Variants in CTPS1 observed in about 807,000 individuals in gnomAD.
CTPS1 encodes CTP synthase 1.
Under a neutral mutation model 80.5 loss-of-function variants are expected in CTPS1, and 25 were observed. The ratio of observed to expected loss-of-function variants is 0.31; its 90% CI spans 0.23 to 0.43. CTPS1 has a LOEUF of 0.43. Ranked by LOEUF, CTPS1 falls within the 20% of genes least tolerant of loss-of-function variation. The pLI is 1.00. For synonymous variants in CTPS1, 267 were observed against 252.5 expected, an observed-to-expected ratio of 1.06 and a Z score of -0.54; for missense variants, 442 against 725.7, an observed-to-expected ratio of 0.61 and a Z score of 4.49.
intron 1 of CTPS1, among the ~76,000 whole-genome samples, chr1:40,982,829 A>G (rs1240487254): frequency 6.6e-6 from 1 of 152,222 alleles, no homozygotes; most frequent in Non-Finnish European, 1.5e-5. Context: ...AGCCAAAGAC[A>G]TTATTTATTT....
At chr1:40,994,095 T>C (rs547337860) in intron 7 of CTPS1, among the ~76,000 whole-genome samples, 1 of 152,312 alleles carries the variant, frequency 6.6e-6, no homozygotes, top group East Asian at 1.9e-4. Flanking sequence ...TTCTTAATAG[T>C]GTCTTTTAGA....
intron 5 of CTPS1, among the ~76,000 whole-genome samples, chr1:40,989,958 C>T (rs1395886744): frequency 6.6e-6 from 1 of 152,104 alleles, no homozygotes; most frequent in Non-Finnish European, 1.5e-5. Context: ...AGAGGACTGG[C>T]TCAGAAGTTC....
rs2148383500 is a variant in CTPS1 at position 40,982,077 on chromosome 1, C to A, written c.-13-1201C>A. 8.3e-6 allele frequency: 9 copies of A among 1,082,384 alleles called. 1 individual carries two copies. In the South Asian group the frequency reaches 1.1e-4, roughly 13 times the overall value. 67.0% of individuals were successfully genotyped at this position (1,082,384 alleles called of 1,614,324 possible). A position where few individuals can be genotyped will look rare whatever the true frequency, so the allele number is the denominator to read the frequency against. ...GCTGACCAAATGGACGATCCTGGAC[C>A]TCTGAAGCTGGGGACCAGTGATAAA... On this transcript the variant is annotated intron_variant, in intron 1 of 18. Transcript: ENST00000650070.
chr1:40,987,757 TC>T (rs1318458667), intron 4 of CTPS1, among the ~76,000 whole-genome samples: 2 of 152,192 alleles, frequency 1.3e-5, no homozygotes, highest in Non-Finnish European at 2.9e-5. Flanking sequence ...CTTGAGCAAG[TC>T]AGCAGATCTT....
chr1:40,986,183 A>G (rs1358052621), intron 3 of CTPS1, among the ~76,000 whole-genome samples: 1 of 152,226 alleles, frequency 6.6e-6, no homozygotes, highest in Non-Finnish European at 1.5e-5. Context: ...CTGTGAAGAA[A>G]CCAAGTGGAG....
intron 1 of CTPS1, chr1:40,980,229 C>T (rs1043232768): frequency 6.6e-6 from 1 of 151,916 alleles, no homozygotes; most frequent in Non-Finnish European, 1.5e-5. Flanking sequence ...CCTTGCTCTT[C>T]GTCTGCGAGG....
At chr1:40,998,396 TAAAAAAAA>T (rs56282224) in intron 9 of CTPS1, among the ~76,000 whole-genome samples, 1 of 64,588 alleles carries the variant, frequency 1.5e-5, no homozygotes, top group Non-Finnish European at 2.7e-5. Context: ...AGACTCTGTC[TAAAAAAAA>T]AAAAAAAAAA....
chr1:41,003,848 C>A (rs137918622), intron 12 of CTPS1: 1 of 152,390 alleles, frequency 6.6e-6, no homozygotes, highest in African/African-American at 2.4e-5. Flanking sequence ...TTCAGCTGCA[C>A]GTGGTGTACT....
chr1:40,984,797 A>G (rs1190530524), intron 2 of CTPS1, 24 bp from the exon 3 acceptor site: 1 of 1,476,526 alleles, frequency 6.8e-7, no homozygotes, highest in African/African-American at 1.4e-5. Flanking sequence ...CACTTAACGT[A>G]AATGGTTTCT....
chr1:40,997,421 T>C lies in CTPS1; in HGVS notation c.900T>C (p.Ser300=), dbSNP rs776135557. Residue 300 remains serine (S), a synonymous_variant, in exon 9 of 19, where the codon TCT becomes TCC. Coordinates refer to ENST00000650070, the MANE Select transcript of CTPS1 (RefSeq NM_001905.4). ...ATGATCGCTTGCTGGAGACCTGCTC[T>C]ATTGCCCTTGTGGGCAAATACACGA... ...DRYDRLLETC[S]IALVGKYTKF... The C allele has an allele frequency of 6.8e-6, 11 of 1,614,126 alleles. No individual in the cohort carries two copies. In the Admixed American group the frequency reaches 1.8e-4, roughly 27 times the overall value.
Position 41,007,535 on chromosome 1 carries a change from C to A in CTPS1, c.1383C>A (p.Asn461Lys). The part of the protein sequence containing the change: ...GKRRTLFQTK[N>K]SVMRKLYGDA... The stretch of plus-strand genomic sequence containing the variant: ...GGAGAACCCTGTTCCAGACCAAGAA[C>A]TCAGTCATGAGTAAGAGCTGCCTCA... The change falls in exon 14 of 19, where the codon AAC becomes AAA. Residue 461 changes from asparagine to lysine, a missense_variant. Around this residue, in one of 4 missense-constraint regions of CTPS1, gnomAD observed 321 missense variants for 467.2 expected, o/e 0.69. Transcript: ENST00000650070. The surrounding 1 kb of genome is among the most constrained non-coding windows in gnomAD (Gnocchi z 4.4). 1 of 1,614,050 alleles carries A rather than the reference C, an allele frequency of 6.2e-7. No homozygotes were observed. The highest frequency in any genetic ancestry group is 8.5e-7 in the Non-Finnish European group (1 of 1,179,992).
At chr1:40,985,090 G>A (rs1237949349) in intron 3 of CTPS1, 99 bp downstream of exon 3, 5 of 781,958 alleles carry the variant, frequency 6.4e-6, no homozygotes, top group Non-Finnish European at 9.0e-6. Flanking sequence ...TTTGAGTACA[G>A]AAGTTTACAT....
chr1:40,991,956 T>C, intron 7 of CTPS1, 111 bp downstream of exon 7: 1 of 823,780 alleles, frequency 1.2e-6, no homozygotes, highest in African/African-American at 1.7e-5. Context: ...TAGTGGGCTG[T>C]TCCAGAAGAA....
At chr1:40,981,931 T>C in intron 1 of CTPS1, 1 of 1,264,180 alleles carries the variant, frequency 7.9e-7, no homozygotes, top group Non-Finnish European at 1.0e-6. Flanking sequence ...CTTAGTTTAT[T>C]TTTATCATAA....
At chr1:40,980,287 C>G (rs1169185273) in intron 1 of CTPS1, 1 of 151,978 alleles carries the variant, frequency 6.6e-6, no homozygotes, top group African/African-American at 2.4e-5. Context: ...CCTCGGGCCT[C>G]CGGCCTCGGC....
intron 10 of CTPS1, among the ~76,000 whole-genome samples, chr1:41,001,866 GA>G (rs1352477974): frequency 4.0e-5 from 6 of 151,364 alleles, no homozygotes; most frequent in African/African-American, 7.3e-5. Context: ...CCTGTCTCAA[GA>G]AAAAAAAATT....
chr1:40,984,685 C>A, intron 2 of CTPS1, 136 bp from the exon 3 acceptor site: 1 of 633,024 alleles, frequency 1.6e-6, no homozygotes, highest in Non-Finnish European at 2.5e-6. Flanking sequence ...CATATTTAGT[C>A]TTCTAGAAGT....
intron 4 of CTPS1, 53 bp downstream of exon 4, chr1:40,987,525 C>A: frequency 7.8e-7 from 1 of 1,281,014 alleles, no homozygotes; most frequent in Non-Finnish European, 1.1e-6. Context: ...CTTAGTCAGC[C>A]ATCAATAACT....
Position 41,001,013 on chromosome 1 carries a change from T to G in CTPS1, c.1006-16T>G, listed in dbSNP as rs761772887. On this transcript the variant is annotated splice_polypyrimidine_tract_variant and intron_variant, in intron 9 of 18. Transcript: ENST00000650070. ...GTCACGAGCCTGCTTTTCTCCCCTG[T>G]CTGAATAACATCCAGTACATAGATT... The G allele has an allele frequency of 6.3e-7, 1 of 1,587,478 alleles. No homozygotes were observed. Among genetic ancestry groups the G allele is most frequent in the South Asian group, 1.1e-5 (1 of 87,036 alleles).
Sources: allele counts gnomAD v4.1 joint callset (sites outside exome capture counted in the v4.1 genomes callset), GRCh38; gene constraint gnomAD v4.1.1; regional missense constraint gnomAD v4.1.1; non-coding constraint Gnocchi (gnomAD v3.1); transcripts MANE v1.5; gene names NCBI Gene and HGNC (gene_info 2026-07-23, HGNC 2026-07-21).